The following CHRM3 variants were observed in gnomAD, a reference collection of about 807,000 sequenced individuals.
CHRM3 encodes the protein cholinergic receptor muscarinic 3, also known as muscarinic acetylcholine receptor M3.
CHRM3 carries 11 observed loss-of-function variants against 41.8 expected under a neutral mutation model. The ratio of observed to expected loss-of-function variants is 0.26; its 90% CI spans 0.17 to 0.44. CHRM3 has a LOEUF of 0.44. CHRM3 is among the 20% of genes least tolerant of loss of function. The probability of loss-of-function intolerance (pLI) is 1.00; values close to 1 mark genes in which losing one functional copy is unlikely to be tolerated. For synonymous variants in CHRM3, 297 were observed against 301.4 expected (o/e 0.99, Z 0.15); for missense variants, 571 against 745.4 (o/e 0.77, Z 2.72).
intron 1 of CHRM3, among the ~76,000 whole-genome samples, chr1:239,465,979 A>C (rs772631727): frequency 2.6e-5 from 4 of 151,718 alleles, no homozygotes; most frequent in African/African-American, 4.8e-5. Flanking sequence ...ATGATGATCC[A>C]TTTCCTTTTA....
intron 6 of CHRM3, among the ~76,000 whole-genome samples, chr1:239,884,809 GT>G (rs1344532841): frequency 6.6e-6 from 1 of 152,176 alleles, no homozygotes; most frequent in African/African-American, 2.4e-5. Flanking sequence ...AAGTCGTAAA[GT>G]TTTTAAAATA....
chr1:239,567,245 G>A lies in CHRM3; in HGVS notation c.-313+21496G>A, dbSNP rs146169594. Among the ~76,000 whole-genome samples the A allele has an allele frequency of 3.8e-3, 582 of 151,466 alleles. 4 individuals are homozygous for A. Among genetic ancestry groups the A allele is most frequent in the African/African-American group, 0.014 (567 of 41,330 alleles). On this transcript the variant is annotated intron_variant, in intron 3 of 6. Coordinates refer to ENST00000676153, the MANE Select transcript of CHRM3 (RefSeq NM_001375978.1). ...GTCCCAGCTATGGAGGCTGAGGTGG[G>A]AGGATCACTTGAGCCCAGGGGTTCA...
At chr1:239,556,643 G>A (rs1227766417) in intron 3 of CHRM3, among the ~76,000 whole-genome samples, 1 of 152,134 alleles carries the variant, frequency 6.6e-6, no homozygotes, top group East Asian at 1.9e-4. Flanking sequence ...TACTAAGCCT[G>A]TTAAAGTACA....
intron 3 of CHRM3, among the ~76,000 whole-genome samples, chr1:239,551,967 T>C (rs1659874323): frequency 6.6e-6 from 1 of 152,120 alleles, no homozygotes; most frequent in South Asian, 2.1e-4. Flanking sequence ...GAATGAATCA[T>C]ATATACCATA....
chr1:239,813,219 A>G (rs2148993521), intron 5 of CHRM3, among the ~76,000 whole-genome samples: 1 of 152,208 alleles, frequency 6.6e-6, no homozygotes, highest in East Asian at 1.9e-4. Context: ...CAGAGGTTGC[A>G]GTGAGCCGAC....
chr1:239,751,399 C>T (rs542200631), intron 5 of CHRM3, among the ~76,000 whole-genome samples: 2 of 152,192 alleles, frequency 1.3e-5, no homozygotes, highest in East Asian at 3.9e-4. Flanking sequence ...AAAATACGAG[C>T]AAAATTTCTG....
At chr1:239,439,947 C>T (rs1326776851) in intron 1 of CHRM3, among the ~76,000 whole-genome samples, 1 of 152,070 alleles carries the variant, frequency 6.6e-6, no homozygotes, top group Non-Finnish European at 1.5e-5. Flanking sequence ...TGCCTGTAAT[C>T]CCAGCACTTT....
chr1:239,653,844 A>C (rs138734179), intron 4 of CHRM3, among the ~76,000 whole-genome samples: 1 of 152,338 alleles, frequency 6.6e-6, no homozygotes, highest in East Asian at 1.9e-4. Context: ...AGAGAGTTGC[A>C]ATCTTTTTGG....
intron 5 of CHRM3, among the ~76,000 whole-genome samples, chr1:239,808,911 C>A (rs1009127848): frequency 9.9e-5 from 15 of 152,096 alleles, no homozygotes; most frequent in African/African-American, 3.1e-4. Context: ...TTGTCAAGTT[C>A]CCACTTAAGC....
At chr1:239,602,247 G>A (rs144720959) in intron 3 of CHRM3, among the ~76,000 whole-genome samples, 1,861 of 151,492 alleles carry the variant, frequency 0.012, 44 homozygotes, top group African/African-American at 0.043. Context: ...CCCGTCTTCC[G>A]CCTCAGCCTC....
intron 1 of CHRM3, among the ~76,000 whole-genome samples, chr1:239,393,214 A>G (rs1338069169): frequency 6.6e-6 from 1 of 152,138 alleles, no homozygotes; most frequent in African/African-American, 2.4e-5. Flanking sequence ...ATAAATATTA[A>G]ATATTGTTGG....
chr1:239,797,924 C>G (rs1282093296), intron 5 of CHRM3, among the ~76,000 whole-genome samples: 2 of 152,122 alleles, frequency 1.3e-5, no homozygotes, highest in Non-Finnish European at 2.9e-5. Context: ...TGACTTGTGC[C>G]TGTAGTCGCA....
chr1:239,765,160 T>C (rs1282981015), intron 5 of CHRM3, among the ~76,000 whole-genome samples: 3 of 152,206 alleles, frequency 2.0e-5, no homozygotes, highest in African/African-American at 2.4e-5. Context: ...GAGATGGCAC[T>C]AGGGGTGCCA....
intron 1 of CHRM3, among the ~76,000 whole-genome samples, chr1:239,483,915 TA>T (rs1399147538): frequency 6.6e-6 from 1 of 152,210 alleles, no homozygotes; most frequent in Non-Finnish European, 1.5e-5. Context: ...TGAATTTGGC[TA>T]CCTTTCTCTT....
intron 6 of CHRM3, among the ~76,000 whole-genome samples, chr1:239,861,019 C>T (rs1675593811): frequency 1.3e-5 from 2 of 152,106 alleles, no homozygotes; most frequent in South Asian, 4.1e-4. Flanking sequence ...CAATACCTTA[C>T]AAGTCACTTA....
chr1:239,772,173 C>T (rs770491275), intron 5 of CHRM3, among the ~76,000 whole-genome samples: 10 of 151,828 alleles, frequency 6.6e-5, no homozygotes, highest in Non-Finnish European at 1.0e-4. Context: ...TTCTTTGAGA[C>T]GGAGGTTCAC....
At chr1:239,502,207 G>A (rs1211381595) in intron 2 of CHRM3, among the ~76,000 whole-genome samples, 1 of 152,054 alleles carries the variant, frequency 6.6e-6, no homozygotes, top group Non-Finnish European at 1.5e-5. Flanking sequence ...AAGAAAACAA[G>A]AGGGAAAATC....
At chr1:239,645,735 C>T (rs191778383) in intron 4 of CHRM3, among the ~76,000 whole-genome samples, 12 of 152,040 alleles carry the variant, frequency 7.9e-5, no homozygotes, top group Non-Finnish European at 1.5e-4. Context: ...TAAACTAAAT[C>T]TAATGGAATG....
Position 239,712,484 on chromosome 1 carries a change from G to A in CHRM3, c.-147+34196G>A, listed in dbSNP as rs79798228. ...ATTTTATCATCAGGATCTTATGCTA[G>A]CAGAAGTATGTAGTTGGAATGAATG... is the stretch of plus-strand genomic sequence containing the variant. On this transcript the variant is annotated intron_variant, in intron 5 of 6. Coordinates refer to ENST00000676153, the MANE Select transcript of CHRM3 (RefSeq NM_001375978.1). Among the ~76,000 whole-genome samples, 433 of 152,316 alleles carry A rather than the reference G, an allele frequency of 2.8e-3. 15 individuals are homozygous for A. The East Asian group carries it at 0.074, about 26-fold the overall frequency.
Sources: gnomAD v4.1 joint callset for allele counts (sites outside exome capture counted in the v4.1 genomes callset) on GRCh38, gnomAD v4.1.1 for gene constraint, MANE v1.5 for transcripts, NCBI Gene and HGNC (gene_info 2026-07-23, HGNC 2026-07-21) for gene names.